The following SLIT1 variants were observed in gnomAD, a reference collection of about 807,000 sequenced individuals.
The protein encoded by SLIT1 is slit guidance ligand 1.
SLIT1 carries 66 observed loss-of-function variants against 186.1 expected under a neutral mutation model. The ratio of observed to expected loss-of-function variants is 0.35; its 90% CI spans 0.29 to 0.44. SLIT1 has a LOEUF of 0.44. Ranked by LOEUF, SLIT1 falls within the 20% of genes least tolerant of loss-of-function variation. SLIT1 has a pLI of 1.00. For synonymous variants in SLIT1, 761 were observed against 833.8 expected, an observed-to-expected ratio of 0.91 and a Z score of 1.50; for missense variants, 1,638 against 2,037.4, an observed-to-expected ratio of 0.80 and a Z score of 3.77.
At chr10:97,167,292 C>T (rs1487195992) in intron 1 of SLIT1, among the ~76,000 whole-genome samples, 9 of 152,222 alleles carry the variant, frequency 5.9e-5, no homozygotes, top group Non-Finnish European at 1.3e-4. Context: ...TCCCTCTGCA[C>T]CCCGGCCTTT....
chr10:97,129,999 G>C (rs866399120), intron 4 of SLIT1, among the ~76,000 whole-genome samples: 1 of 152,294 alleles, frequency 6.6e-6, no homozygotes, highest in African/African-American at 2.4e-5. Flanking sequence ...AGTGGGTGAA[G>C]GCAAAGAGAA....
At chr10:97,002,489 G>T in intron 35 of SLIT1, 120 bp from the exon 36 acceptor site, 1 of 733,124 alleles carries the variant, frequency 1.4e-6, no homozygotes, top group Non-Finnish European at 2.1e-6. Flanking sequence ...TCTTTAATCT[G>T]TTCCCAAAAC....
chr10:97,091,935 C>T (rs1424130349), intron 4 of SLIT1, among the ~76,000 whole-genome samples: 1 of 152,234 alleles, frequency 6.6e-6, no homozygotes, highest in African/African-American at 2.4e-5. Flanking sequence ...AGAAGTCTTG[C>T]TCACAATTCA....
intron 4 of SLIT1, among the ~76,000 whole-genome samples, chr10:97,094,423 T>C (rs774585457): frequency 6.6e-6 from 1 of 152,236 alleles, no homozygotes; most frequent in African/African-American, 2.4e-5. Flanking sequence ...TGACCCTGCA[T>C]AGCTGTCTGA....
chr10:97,136,429 A>G (rs190701208), intron 4 of SLIT1, among the ~76,000 whole-genome samples: 1 of 152,346 alleles, frequency 6.6e-6, no homozygotes, highest in East Asian at 1.9e-4. Flanking sequence ...GTAGGTCACC[A>G]ACAATGTGTC....
At chr10:97,074,388 G>A (rs1426312291) in intron 4 of SLIT1, among the ~76,000 whole-genome samples, 2 of 152,214 alleles carry the variant, frequency 1.3e-5, no homozygotes, top group Non-Finnish European at 2.9e-5. Flanking sequence ...TGCATGGCGA[G>A]AGACCACAGC....
intron 4 of SLIT1, among the ~76,000 whole-genome samples, chr10:97,131,661 C>G (rs1269402183): frequency 2.0e-5 from 3 of 152,236 alleles, no homozygotes; most frequent in African/African-American, 7.2e-5. Context: ...GCCCCAAGCA[C>G]AGAACTTCCT....
At chr10:97,081,828 GTCCGTGGTCCTGAATCCA>G (rs1176634912) in intron 4 of SLIT1, among the ~76,000 whole-genome samples, 3 of 152,200 alleles carry the variant, frequency 2.0e-5, no homozygotes, top group African/African-American at 4.8e-5. Flanking sequence ...CTGGGGAGCT[GTCCGTGGTCCTGAATCCA>G]TCCGGCGGCT....
At chr10:97,165,460 C>T (rs540894810) in intron 1 of SLIT1, among the ~76,000 whole-genome samples, 5 of 152,124 alleles carry the variant, frequency 3.3e-5, no homozygotes, top group African/African-American at 4.8e-5. Flanking sequence ...ACTGAGGAAG[C>T]GGGACTCAAG....
Position 97,021,147 on chromosome 10 carries a change from G to T in SLIT1, c.2746+103C>A. The T allele has an allele frequency of 7.7e-6, 9 of 1,168,884 alleles. No individual in the cohort carries two copies. The highest frequency in any genetic ancestry group is 1.1e-5 in the Non-Finnish European group (9 of 836,314). The allele number at this position is 1,168,884 out of a possible 1,614,324, so 72.4% of individuals were successfully genotyped here. ...CCTTGTTCCTGTCCCCTGACCCCCC[G>T]CCCAGCGGTCACCACAGGGACGCAG... is the stretch of plus-strand genomic sequence containing the variant. On this transcript the variant is annotated intron_variant, in intron 26 of 36. Transcript: ENST00000266058. This position sits in a 1 kb window ranked among gnomAD's most constrained non-coding sequence, Gnocchi z 4.5.
chr10:97,002,428 C>G (rs1263188598), intron 35 of SLIT1, 59 bp from the exon 36 acceptor site: 1 of 1,341,068 alleles, frequency 7.5e-7, no homozygotes, highest in Non-Finnish European at 1.0e-6. Flanking sequence ...CCACCTGACA[C>G]AGCCCGCCCC....
chr10:97,042,856 G>A (rs1180550699), intron 20 of SLIT1, 45 bp downstream of exon 20: 2 of 1,596,160 alleles, frequency 1.3e-6, no homozygotes, highest in South Asian at 2.3e-5. Flanking sequence ...CCACTGGTTG[G>A]ACCCAGGGCG....
chr10:97,159,157 TC>T (rs982607010), intron 3 of SLIT1, among the ~76,000 whole-genome samples: 4 of 152,128 alleles, frequency 2.6e-5, no homozygotes, highest in African/African-American at 9.7e-5. Flanking sequence ...AAAGCTTACT[TC>T]CAGAGGGAAG....
intron 25 of SLIT1, 53 bp downstream of exon 25, chr10:97,030,704 C>G: frequency 6.9e-7 from 1 of 1,446,206 alleles, no homozygotes; most frequent in South Asian, 1.2e-5. Flanking sequence ...TTCTCAGAAA[C>G]CAAGTCCTGT....
intron 4 of SLIT1, among the ~76,000 whole-genome samples, chr10:97,090,256 C>T (rs145152003): frequency 6.6e-6 from 1 of 152,242 alleles, no homozygotes; most frequent in African/African-American, 2.4e-5. Flanking sequence ...GCAGGGGCCC[C>T]TGCAGCCCGC....
intron 4 of SLIT1, among the ~76,000 whole-genome samples, chr10:97,090,765 G>A (rs1849222530): frequency 6.6e-6 from 1 of 152,222 alleles, no homozygotes; most frequent in Non-Finnish European, 1.5e-5. Flanking sequence ...GCACCTTGGC[G>A]CTTTCACAGA....
At chr10:97,151,383 G>C (rs185493456) in intron 4 of SLIT1, among the ~76,000 whole-genome samples, 1 of 151,166 alleles carries the variant, frequency 6.6e-6, no homozygotes, top group Non-Finnish European at 1.5e-5. Flanking sequence ...GGTGGGGGTG[G>C]GAGAGTGGAT....
At chr10:97,030,915 G>GCT in intron 24 of SLIT1, 87 bp from the exon 25 acceptor site, 2 of 1,185,256 alleles carry the variant, frequency 1.7e-6, no homozygotes, top group Non-Finnish European at 2.5e-6. Flanking sequence ...TCTGCAGAGA[G>GCT]GGGACAGGCC....
chr10:97,060,858 G>A (rs918388453), intron 8 of SLIT1, 71 bp from the exon 9 acceptor site: 10 of 1,458,712 alleles, frequency 6.9e-6, no homozygotes, highest in Admixed American at 6.7e-5. Context: ...GATACCGACT[G>A]ATGGATGGGA....
Sources: allele counts gnomAD v4.1 joint callset (sites outside exome capture counted in the v4.1 genomes callset), GRCh38; gene constraint gnomAD v4.1.1; non-coding constraint Gnocchi (gnomAD v3.1); transcripts MANE v1.5; gene names NCBI Gene and HGNC (gene_info 2026-07-23, HGNC 2026-07-21).